Variants in SCEL observed in about 807,000 individuals in gnomAD.
SCEL encodes sciellin.
In SCEL, 113 loss-of-function variants were observed where a neutral mutation model predicts 117.6. That is an observed-to-expected ratio of 0.96 (90% CI 0.83 to 1.12). The LOEUF is 1.12. Ranked by LOEUF, SCEL falls within the 50% of genes most tolerant of loss-of-function variation. SCEL has a pLI of 0.00. For missense variants in SCEL, 785 were observed against 810.8 expected (o/e 0.97, Z 0.39); for synonymous variants, 270 against 256.2 (o/e 1.05, Z -0.51).
At chr13:77,574,781 C>T (rs2085840864) in intron 9 of SCEL, among the ~76,000 whole-genome samples, 1 of 152,136 alleles carries the variant, frequency 6.6e-6, no homozygotes, top group South Asian at 2.1e-4. Context: ...AAATGGGGGA[C>T]TATGATTGAT....
chr13:77,642,641 C>A, intron 31 of SCEL, 65 bp from the exon 32 acceptor site: 1 of 975,536 alleles, frequency 1.0e-6, no homozygotes, highest in Non-Finnish European at 1.6e-6. Flanking sequence ...GAGATGATGT[C>A]TGTTCCTCTA....
intron 7 of SCEL, 52 bp downstream of exon 7, chr13:77,568,385 AC>A: frequency 8.7e-7 from 1 of 1,149,926 alleles, no homozygotes; most frequent in Non-Finnish European, 1.3e-6. Context: ...TTCAAGAAAA[AC>A]CAGGGAAAAC....
intron 12 of SCEL, among the ~76,000 whole-genome samples, chr13:77,596,274 AG>A (rs1567395858): frequency 6.6e-6 from 1 of 152,110 alleles, no homozygotes; most frequent in African/African-American, 2.4e-5. Flanking sequence ...CGGAGGTTGC[AG>A]TGAGCCAAGA....
At chr13:77,638,663 G>A (rs1180797957) in intron 30 of SCEL, among the ~76,000 whole-genome samples, 2 of 152,176 alleles carry the variant, frequency 1.3e-5, no homozygotes, top group Non-Finnish European at 2.9e-5. Flanking sequence ...AATTGGCGAT[G>A]TTCTTACAGT....
intron 1 of SCEL, among the ~76,000 whole-genome samples, chr13:77,543,035 C>A (rs1250570699): frequency 6.6e-6 from 1 of 150,396 alleles, no homozygotes; most frequent in African/African-American, 2.4e-5. Flanking sequence ...CACCCTGTGT[C>A]ATTTTCTAGA....
At chr13:77,635,187 A>G (rs192102558) in intron 29 of SCEL, among the ~76,000 whole-genome samples, 4 of 152,306 alleles carry the variant, frequency 2.6e-5, no homozygotes, top group East Asian at 1.9e-4. Context: ...CGATCTTCCA[A>G]AAAAGGTTTC....
intron 27 of SCEL, among the ~76,000 whole-genome samples, chr13:77,621,225 G>A (rs143308750): frequency 4.3e-4 from 66 of 152,186 alleles, no homozygotes; most frequent in African/African-American, 1.6e-3. Context: ...CTCCTTCTGT[G>A]GCTCCCCATT....
chr13:77,556,044 C>T lies in SCEL; in HGVS notation c.43+126C>T, dbSNP rs2084637942. 1.0e-5 allele frequency: 6 copies of T among 588,526 alleles called. No homozygotes were observed. In the South Asian group the frequency reaches 1.5e-4, roughly 15 times the overall value. The allele number at this position is 588,526 out of a possible 1,614,324, so 36.5% of individuals were successfully genotyped here. ...CAACAGTCTAATTTAATTAGCATTG[C>T]AAAGTTAGGCTTAAGAAAAAGTATA... On this transcript the variant is annotated intron_variant, in intron 2 of 32. Coordinates refer to ENST00000349847, the MANE Select transcript of SCEL (RefSeq NM_144777.3).
At chr13:77,553,460 A>G (rs1337443731) in intron 1 of SCEL, among the ~76,000 whole-genome samples, 1 of 152,174 alleles carries the variant, frequency 6.6e-6, no homozygotes, top group African/African-American at 2.4e-5. Flanking sequence ...ATCAGAGCCC[A>G]TTTAGAAACA....
chr13:77,605,180 C>T (rs993393637), intron 19 of SCEL, among the ~76,000 whole-genome samples: 1 of 152,118 alleles, frequency 6.6e-6, no homozygotes, highest in East Asian at 1.9e-4. Flanking sequence ...CCCTTGAATT[C>T]CTTTCCATTC....
intron 19 of SCEL, among the ~76,000 whole-genome samples, chr13:77,607,345 C>T (rs912776812): frequency 4.6e-5 from 7 of 152,188 alleles, no homozygotes; most frequent in Admixed American, 6.5e-5. Flanking sequence ...GCCACCATGC[C>T]CAGCCAGAGT....
chr13:77,604,605 G>C (rs567710979), intron 19 of SCEL, among the ~76,000 whole-genome samples, 190 bp downstream of exon 19: 6 of 152,086 alleles, frequency 3.9e-5, no homozygotes. Context: ...TTTTATTCTT[G>C]GGCAAAGTTT....
At chr13:77,542,607 G>A (rs184316808) in intron 1 of SCEL, among the ~76,000 whole-genome samples, 1 of 152,310 alleles carries the variant, frequency 6.6e-6, no homozygotes, top group Admixed American at 6.5e-5. Context: ...CCAGCCTGAT[G>A]ATTTTTGGAT....
chr13:77,576,707 ACT>A (rs1468591343), intron 9 of SCEL, among the ~76,000 whole-genome samples: 3 of 152,250 alleles, frequency 2.0e-5, no homozygotes, highest in South Asian at 4.1e-4. Flanking sequence ...AATAGCATTG[ACT>A]CTCTAAATTA....
intron 1 of SCEL, among the ~76,000 whole-genome samples, chr13:77,537,803 TG>T (rs2083485424): frequency 6.6e-6 from 1 of 152,202 alleles, no homozygotes; most frequent in Non-Finnish European, 1.5e-5. Context: ...GCTCATACTG[TG>T]GAATGAACTG....
chr13:77,543,340 C>T (rs1393826364), intron 1 of SCEL, among the ~76,000 whole-genome samples: 2 of 152,074 alleles, frequency 1.3e-5, no homozygotes, highest in Non-Finnish European at 2.9e-5. Flanking sequence ...GCCTCGGCCT[C>T]CCAAAGTGCT....
chr13:77,549,807 A>G (rs1472511123), intron 1 of SCEL, among the ~76,000 whole-genome samples: 6 of 152,186 alleles, frequency 3.9e-5, no homozygotes. Context: ...TCAAGACACC[A>G]GTTTAACATT....
At position 77,604,249 on chromosome 13, in the gene SCEL, T is replaced by C. The variant is rs2087941821; in HGVS notation, c.1098-107T>C. 4 of 642,328 alleles carry C rather than the reference T, an allele frequency of 6.2e-6. No homozygotes were observed. In the Admixed American group the frequency reaches 1.3e-4, roughly 21 times the overall value. 39.8% of individuals were successfully genotyped at this position (642,328 alleles called of 1,614,324 possible). The stretch of plus-strand genomic sequence containing the variant: ...TTAGAGCTTTAAAAATTTACATTGA[T>C]ATAGAAAACTTGTATATTTACCACT... On this transcript the variant is annotated intron_variant, in intron 18 of 32. Coordinates refer to ENST00000349847, the MANE Select transcript of SCEL (RefSeq NM_144777.3).
chr13:77,571,075 C>T (rs993870124), intron 8 of SCEL, among the ~76,000 whole-genome samples: 1 of 151,582 alleles, frequency 6.6e-6, no homozygotes, highest in Non-Finnish European at 1.5e-5. Flanking sequence ...CGTGATCCAC[C>T]CGCCTCAGCC....
Sources: allele counts gnomAD v4.1 joint callset (sites outside exome capture counted in the v4.1 genomes callset), GRCh38; gene constraint gnomAD v4.1.1; transcripts MANE v1.5; gene names NCBI Gene and HGNC (gene_info 2026-07-23, HGNC 2026-07-21).